Variants in THNSL2 observed in about 807,000 individuals in gnomAD.
THNSL2 encodes threonine synthase like 2, also known as threonine synthase-like 2.
A neutral mutation model predicts 40.0 loss-of-function variants in THNSL2; 34 were observed. The ratio of observed to expected loss-of-function variants is 0.85; its 90% CI spans 0.65 to 1.13. THNSL2 has a LOEUF of 1.13. Among genes scored for constraint, THNSL2 ranks in the 50% most tolerant of loss-of-function variants. THNSL2 has a pLI of 0.00. For missense variants in THNSL2, 537 were observed against 608.8 expected, an observed-to-expected ratio of 0.88 and a Z score of 1.24; for synonymous variants, 241 against 247.5, an observed-to-expected ratio of 0.97 and a Z score of 0.25.
intron 5 of THNSL2, 82 bp downstream of exon 5, chr2:88,179,095 C>T: frequency 7.2e-7 from 1 of 1,389,156 alleles, no homozygotes; most frequent in African/African-American, 1.4e-5. Context: ...TTGGCTGCAA[C>T]TGTGAGGAGA....
intron 4 of THNSL2, among the ~76,000 whole-genome samples, chr2:88,177,825 G>A (rs1677100825): frequency 6.6e-6 from 1 of 152,140 alleles, no homozygotes; most frequent in African/African-American, 2.4e-5. Context: ...TGCTCATTGT[G>A]GAGCCAACCC....
In THNSL2 at chr2:88,180,627, G is replaced by T. The variant is rs1018477119; in HGVS notation, c.802+1614G>T. 2.0e-5 allele frequency among the ~76,000 whole-genome samples: 3 copies of T among 152,054 alleles called. No individual in the cohort carries two copies. The South Asian group carries it at 6.2e-4, about 32-fold the overall frequency. ...AACAGTGATGTTGGGTGGTGTGGTTGTCCCTAACTCCCCTTAGCTACTCAC... is the reference window on the plus strand; with the variant it reads ...AACAGTGATGTTGGGTGGTGTGGTTTTCCCTAACTCCCCTTAGCTACTCAC... On this transcript the variant is annotated intron_variant, in intron 5 of 8. Coordinates refer to ENST00000674334, the MANE Select transcript of THNSL2 (RefSeq NM_018271.5).
chr2:88,177,855 G>A (rs1677103575), intron 4 of THNSL2, among the ~76,000 whole-genome samples: 1 of 152,174 alleles, frequency 6.6e-6, no homozygotes, highest in African/African-American at 2.4e-5. Flanking sequence ...GAGAGTACCA[G>A]GCACTGATTG....
intron 3 of THNSL2, 152 bp from the exon 4 acceptor site, chr2:88,175,097 T>C: frequency 1.1e-6 from 1 of 916,716 alleles, no homozygotes; most frequent in Non-Finnish European, 1.6e-6. Flanking sequence ...TATCCGTGGA[T>C]CCATGGACCC....
rs1676222916 is a variant in THNSL2 at position 88,170,394 on chromosome 2, GC to G, written c.-72del. 1 of 139,268 alleles carries G rather than the reference GC, an allele frequency of 7.2e-6. No individual in the cohort carries two copies. Among genetic ancestry groups the G allele is most frequent in the African/African-American group, 2.9e-5 (1 of 34,620 alleles). 8.6% of individuals were successfully genotyped at this position (139,268 alleles called of 1,614,324 possible). A position where few individuals can be genotyped will look rare whatever the true frequency, so the allele number is the denominator to read the frequency against. On this transcript the variant is annotated 5_prime_UTR_variant, in exon 1 of 9. Transcript: ENST00000674334. ...AGTGCGCACATTCGCAGCCCGGGCA[GC>G]CCTGCTGCGCACCGGGCCTCGCGCC...
chr2:88,181,927 A>G (rs1677735620), intron 5 of THNSL2, among the ~76,000 whole-genome samples: 1 of 152,144 alleles, frequency 6.6e-6, no homozygotes, highest in African/African-American at 2.4e-5. Context: ...GATGTTTTCA[A>G]GGTTCATCCA....
rs146704484 is a variant in THNSL2 at position 88,173,281 on chromosome 2, G to A, written c.131G>A (p.Cys44Tyr). ...CCACAGTTGGACAGAGGGACCCTGT[G>A]CCAGTGGAGCACACTCTCCTATCCT... ...ELPQLDRGTL[C>Y]QWSTLSYPGL... Residue 44 changes from cysteine (C) to tyrosine (Y), a missense_variant, in exon 2 of 9, where the codon TGC becomes TAC. Cys to Tyr is a radical substitution (Grantham distance 194). Coordinates refer to ENST00000674334, the MANE Select transcript of THNSL2 (RefSeq NM_018271.5). 4.8e-5 allele frequency: 78 copies of A among 1,612,412 alleles called. No individual in the cohort carries two copies. The African/African-American group carries it at 1.0e-3, about 21-fold the overall frequency.
At chr2:88,178,002 G>T (rs933066756) in intron 4 of THNSL2, among the ~76,000 whole-genome samples, 5 of 152,156 alleles carry the variant, frequency 3.3e-5, no homozygotes, top group Admixed American at 6.5e-5. Context: ...CACCCTTAAT[G>T]CCTTCTCTGG....
At chr2:88,177,440 T>C (rs1356016293) in intron 4 of THNSL2, among the ~76,000 whole-genome samples, 1 of 152,248 alleles carries the variant, frequency 6.6e-6, no homozygotes, top group Non-Finnish European at 1.5e-5. Context: ...TTGGTTCTTC[T>C]TAAGCACAGA....
chr2:88,179,141 A>G, intron 5 of THNSL2, 128 bp downstream of exon 5: 6 of 946,714 alleles, frequency 6.3e-6, no homozygotes, highest in Non-Finnish European at 9.7e-6. Context: ...GGTGATGGGA[A>G]ACCCCACAGA....
At chr2:88,177,138 T>C (rs1438763688) in intron 4 of THNSL2, 1 of 152,232 alleles carries the variant, frequency 6.6e-6, no homozygotes, top group Non-Finnish European at 1.5e-5. Context: ...CATTAAATGC[T>C]GGACCTGAAG....
In THNSL2 at chr2:88,186,137, G is replaced by A; in HGVS notation, c.*14G>A. On this transcript the variant is annotated 3_prime_UTR_variant, in exon 9 of 9. Coordinates refer to ENST00000674334, the MANE Select transcript of THNSL2 (RefSeq NM_018271.5). ...ACCTCCCAGTAGCCTGGCTGGAGGTGGCTTTCTTTAGGCTTCAGATCCCAG... is the reference window on the plus strand; with the variant it reads ...ACCTCCCAGTAGCCTGGCTGGAGGTAGCTTTCTTTAGGCTTCAGATCCCAG... The A allele has an allele frequency of 6.4e-7, 1 of 1,551,756 alleles. No homozygotes were observed. The highest frequency in any genetic ancestry group is 2.4e-5 in the East Asian group (1 of 40,954).
chr2:88,185,834 TCTC>T, intron 8 of THNSL2, 61 bp from the exon 9 acceptor site: 1 of 1,544,170 alleles, frequency 6.5e-7, no homozygotes, highest in East Asian at 2.4e-5. Context: ...TCCTCCACCT[TCTC>T]CTTTCCCATC....
At chr2:88,173,498 T>A in intron 2 of THNSL2, 125 bp downstream of exon 2, 1 of 663,556 alleles carries the variant, frequency 1.5e-6, no homozygotes, top group Non-Finnish European at 2.2e-6. Flanking sequence ...TTGTTTTATT[T>A]CTTTTCCTGA....
At chr2:88,175,636 G>C (rs953720238) in intron 4 of THNSL2, 1 of 491,904 alleles carries the variant, frequency 2.0e-6, no homozygotes, top group Admixed American at 3.8e-5. Context: ...AACATGCTAA[G>C]TATGGATTGA....
chr2:88,173,144 C>T lies in THNSL2; in HGVS notation c.-7C>T, dbSNP rs1193694692. 2.0e-6 allele frequency: 3 copies of T among 1,531,898 alleles called. No individual in the cohort carries two copies. In the African/African-American group the frequency reaches 4.1e-5, roughly 21 times the overall value. 94.9% of individuals were successfully genotyped at this position (1,531,898 alleles called of 1,614,324 possible). The stretch of plus-strand genomic sequence containing the variant: ...TGGGACTGTCCTCTCTGCAGGCCTC[C>T]AGGATCATGTGGTATGTCAGCACCA... On this transcript the variant is annotated 5_prime_UTR_variant, in exon 2 of 9. Coordinates refer to ENST00000674334, the MANE Select transcript of THNSL2 (RefSeq NM_018271.5).
chr2:88,172,374 C>T (rs1043567038), intron 1 of THNSL2: 4 of 152,200 alleles, frequency 2.6e-5, no homozygotes, highest in South Asian at 2.1e-4. Flanking sequence ...GCACTTATAA[C>T]GGTCCTAGGA....
In THNSL2 at chr2:88,174,685, C is replaced by G. The variant is rs774244897; in HGVS notation, c.270C>G (p.Val90=). Residue 90 remains valine (V), a synonymous_variant, in exon 3 of 9, where the codon GTC becomes GTG. Transcript: ENST00000674334. ...GCAGATTCCGTCACAGAGAAGTGGT[C>G]CATCTGTCCAGGTTGAGGAATGGGC... ...AFSRFRHREV[V]HLSRLRNGLN... is the part of the protein sequence containing the mutation. 1 of 1,614,152 alleles carries G rather than the reference C, an allele frequency of 6.2e-7. No individual in the cohort carries two copies. The highest frequency in any genetic ancestry group is 2.2e-5 in the East Asian group (1 of 44,878).
At position 88,183,073 on chromosome 2, in the gene THNSL2, G is replaced by A. The variant is rs569834072; in HGVS notation, c.1077G>A (p.Lys359=). 2.5e-6 allele frequency: 4 copies of A among 1,612,286 alleles called. No homozygotes were observed. The highest frequency in any genetic ancestry group is 1.7e-5 in the Admixed American group (1 of 59,994). ...SVNLPKELHS[K]LSEAVTSVSV... is the part of the protein sequence containing the mutation. ...ATCTGCCCAAGGAACTGCACAGCAA[G>A]GTCAGTCACTACCCACACACCACAG... The change falls in exon 7 of 9, where the codon AAG becomes AAA. Residue 359 remains lysine (K), a splice_region_variant and synonymous_variant. Coordinates refer to ENST00000674334, the MANE Select transcript of THNSL2 (RefSeq NM_018271.5).
Sources: allele counts gnomAD v4.1 joint callset (sites outside exome capture counted in the v4.1 genomes callset), GRCh38; gene constraint gnomAD v4.1.1; transcripts MANE v1.5; gene names NCBI Gene and HGNC (gene_info 2026-07-23, HGNC 2026-07-21).